Variants in PRSS38 observed in about 807,000 individuals in gnomAD.
The protein encoded by PRSS38 is marapsin 2.
A neutral mutation model predicts 26.8 loss-of-function variants in PRSS38; 22 were observed. That is an observed-to-expected ratio of 0.82 (90% CI 0.59 to 1.17). The LOEUF (loss-of-function observed/expected upper bound fraction) is 1.17, where lower values mean the gene tolerates loss of function less well. Ranked by LOEUF, PRSS38 falls within the 50% of genes most tolerant of loss-of-function variation. PRSS38 has a pLI of 0.00. For missense variants in PRSS38, 427 were observed against 422.7 expected (o/e 1.01, Z -0.09); for synonymous variants, 175 against 172.1 (o/e 1.02, Z -0.13).
chr1:227,820,286 T>C lies in PRSS38; in HGVS notation c.583+2806T>C, dbSNP rs561475241. 1.1e-3 allele frequency among the ~76,000 whole-genome samples: 174 copies of C among 151,754 alleles called. 1 individual carries two copies. The highest frequency in any genetic ancestry group is 4.2e-3 in the African/African-American group (172 of 41,152). ...TTTACTTCTTTGTTTCCAATTTGAA[T>C]GGCTGTTATTTCTTTTCCTTGTCTA... On this transcript the variant is annotated intron_variant, in intron 3 of 4. Coordinates refer to ENST00000366757, the Ensembl canonical transcript of PRSS38.
intron 3 of PRSS38, among the ~76,000 whole-genome samples, chr1:227,833,039 CTAAAT>C (rs772205222): frequency 6.6e-6 from 1 of 152,010 alleles, no homozygotes; most frequent in African/African-American, 2.4e-5. Context: ...TTTTGAAAAC[CTAAAT>C]AAATGCAAAG....
At chr1:227,833,569 T>C (rs556678263) in intron 3 of PRSS38, among the ~76,000 whole-genome samples, 4 of 151,950 alleles carry the variant, frequency 2.6e-5, no homozygotes, top group Admixed American at 2.0e-4. Flanking sequence ...CTTCCTGATT[T>C]CAAAATATAC....
At position 227,816,382 on chromosome 1, in the gene PRSS38, G is replaced by A. The variant is rs1346362400; in HGVS notation, c.311+130G>A. The A allele has an allele frequency of 8.4e-6, 8 of 947,394 alleles. No individual in the cohort carries two copies. The highest frequency in any genetic ancestry group is 2.5e-5 in the East Asian group (1 of 39,680). 58.7% of individuals were successfully genotyped at this position (947,394 alleles called of 1,614,324 possible). On this transcript the variant is annotated intron_variant, in intron 2 of 4. Transcript: ENST00000366757. The surrounding 1 kb of genome is among the most constrained non-coding windows in gnomAD (Gnocchi z 5.1). ...ACTCCCTTCACCACTGTCGACCCGC[G>A]CAAGGCCAGGTCCCCACCAGTGAGG...
intron 3 of PRSS38, among the ~76,000 whole-genome samples, chr1:227,830,768 G>C (rs1288063117): frequency 6.6e-6 from 1 of 151,888 alleles, no homozygotes; most frequent in Admixed American, 6.6e-5. Context: ...GCCCCCCAAA[G>C]TGCTGGGATT....
chr1:227,829,657 G>T (rs61217654), intron 3 of PRSS38, among the ~76,000 whole-genome samples: 1,800 of 152,194 alleles, frequency 0.012, 40 homozygotes, highest in African/African-American at 0.04. Context: ...TTAGCATATT[G>T]AAGTACACTT....
At chr1:227,828,359 A>C (rs966224305) in intron 3 of PRSS38, among the ~76,000 whole-genome samples, 5 of 152,194 alleles carry the variant, frequency 3.3e-5, no homozygotes, top group Non-Finnish European at 5.9e-5. Flanking sequence ...TTGCGTTATG[A>C]ATCTGGGTGC....
At chr1:227,819,239 T>G (rs181198478) in intron 3 of PRSS38, among the ~76,000 whole-genome samples, 4 of 152,326 alleles carry the variant, frequency 2.6e-5, no homozygotes, top group African/African-American at 7.2e-5. Flanking sequence ...TATTCACTCC[T>G]ATAGCCATCT....
intron 3 of PRSS38, among the ~76,000 whole-genome samples, chr1:227,842,133 C>T (rs1435163488): frequency 6.6e-6 from 1 of 152,204 alleles, no homozygotes; most frequent in Admixed American, 6.5e-5. Context: ...ATTAGGCCCA[C>T]CTCGAACATT....
At chr1:227,827,323 G>T (rs1665087777) in intron 3 of PRSS38, among the ~76,000 whole-genome samples, 1 of 152,004 alleles carries the variant, frequency 6.6e-6, no homozygotes, top group Non-Finnish European at 1.5e-5. Flanking sequence ...GGCTTTTTTT[G>T]GTCGGTAGGC....
At chr1:227,840,180 G>A (rs1665316057) in intron 3 of PRSS38, among the ~76,000 whole-genome samples, 1 of 152,074 alleles carries the variant, frequency 6.6e-6, no homozygotes. Flanking sequence ...AGAGTGCAGT[G>A]CGGTGATCAT....
At chr1:227,839,064 A>G (rs1263022325) in intron 3 of PRSS38, among the ~76,000 whole-genome samples, 1 of 152,192 alleles carries the variant, frequency 6.6e-6, no homozygotes, top group Non-Finnish European at 1.5e-5. Flanking sequence ...GGATACATTC[A>G]GGTTCAGCCA....
intron 3 of PRSS38, among the ~76,000 whole-genome samples, chr1:227,830,396 T>C (rs1665135030): frequency 6.6e-6 from 1 of 152,010 alleles, no homozygotes; most frequent in Non-Finnish European, 1.5e-5. Context: ...TTATTATTAG[T>C]TTGTTATATA....
chr1:227,838,927 C>G (rs183274367), intron 3 of PRSS38, among the ~76,000 whole-genome samples: 11 of 152,286 alleles, frequency 7.2e-5, no homozygotes, highest in African/African-American at 2.6e-4. Flanking sequence ...TCAAGTGATC[C>G]ACCTGCCTTG....
In PRSS38 at chr1:227,815,730, C is replaced by T. The variant is rs779491320; in HGVS notation, c.14C>T (p.Ala5Val). ...GCCTCGAGCCTCATGGCTGCCCCTG[C>T]TTCCGTCATGGGCCCACTCGGGCCC... Residue 5 changes from alanine (A) to valine (V), a missense_variant, in exon 1 of 5, where the codon GCT becomes GTT. Transcript: ENST00000366757. The T allele has an allele frequency of 3.8e-6, 6 of 1,592,756 alleles. No individual in the cohort carries two copies. The South Asian group carries it at 4.5e-5, about 12-fold the overall frequency.
chr1:227,831,426 C>T (rs191175838), intron 3 of PRSS38, among the ~76,000 whole-genome samples: 108 of 152,230 alleles, frequency 7.1e-4, no homozygotes, highest in Middle Eastern at 3.4e-3. Context: ...GTACTATGGC[C>T]TAGCCTATGG....
chr1:227,827,573 C>T (rs1020205124), intron 3 of PRSS38, among the ~76,000 whole-genome samples: 3 of 150,864 alleles, frequency 2.0e-5, no homozygotes, highest in Non-Finnish European at 4.4e-5. Flanking sequence ...TTTGATTCTT[C>T]TCTCTTTTCT....
At chr1:227,821,626 G>A (rs546492779) in intron 3 of PRSS38, among the ~76,000 whole-genome samples, 1 of 152,082 alleles carries the variant, frequency 6.6e-6, no homozygotes, top group East Asian at 1.9e-4. Flanking sequence ...TTGGTTGAAA[G>A]GTTTTTTCTT....
intron 3 of PRSS38, among the ~76,000 whole-genome samples, chr1:227,842,017 C>T (rs1165460280): frequency 6.6e-6 from 1 of 152,152 alleles, no homozygotes; most frequent in East Asian, 1.9e-4. Flanking sequence ...CTTTTAACAA[C>T]CAGCTCTCTC....
At position 227,817,331 on chromosome 1, in the gene PRSS38, AC is replaced by A. The variant is rs1022921190; in HGVS notation, c.438del (p.Ile147SerfsTer10). 1.9e-6 allele frequency: 3 copies of A among 1,614,032 alleles called. No homozygotes were observed. The highest frequency in any genetic ancestry group is 2.7e-5 in the African/African-American group (2 of 74,992). ...CTGCACCCCACATATGAGATGTACC[AC>A]CCCATCGGAGGTGACGTGGCCCTGG... is the stretch of plus-strand genomic sequence containing the variant. On this transcript the variant is annotated frameshift_variant, in exon 3 of 5. Coordinates refer to ENST00000366757, the Ensembl canonical transcript of PRSS38. LOFTEE classifies it high-confidence loss of function.
Sources: gnomAD v4.1 joint callset for allele counts (sites outside exome capture counted in the v4.1 genomes callset) on GRCh38, gnomAD v4.1.1 for gene constraint, Gnocchi (gnomAD v3.1) non-coding constraint, MANE v1.5 for transcripts, NCBI Gene and HGNC (gene_info 2026-07-23, HGNC 2026-07-21) for gene names.